MARCHF3: variants seen among roughly 807,000 people sequenced by gnomAD.
MARCHF3 encodes E3 ubiquitin-protein ligase MARCHF3.
Under a neutral mutation model 24.2 loss-of-function variants are expected in MARCHF3, and 13 were observed. The ratio of observed to expected loss-of-function variants is 0.54; its 90% CI spans 0.35 to 0.85. The LOEUF is 0.85. Ranked by LOEUF, MARCHF3 falls within the 40% of genes least tolerant of loss-of-function variation. The probability of loss-of-function intolerance (pLI) is 0.01; values close to 1 mark genes in which losing one functional copy is unlikely to be tolerated. For missense variants in MARCHF3, 276 were observed against 325.0 expected, an observed-to-expected ratio of 0.85 and a Z score of 1.16; for synonymous variants, 144 against 137.3, an observed-to-expected ratio of 1.05 and a Z score of -0.34.
intron 4 of MARCHF3, among the ~76,000 whole-genome samples, chr5:126,871,836 AG>A (rs1433983480): frequency 1.3e-5 from 2 of 152,124 alleles, no homozygotes; most frequent in South Asian, 2.1e-4. Context: ...CCTCCTGAGA[AG>A]CCGGGATTAC....
rs1421653283 is a variant in MARCHF3 at position 126,870,614 on chromosome 5, C to A, written c.*19G>T. ...AAACCCCAAACAATGAATCAAACAA[C>A]CAACCAACCATACAAACATCAAACA... On this transcript the variant is annotated 3_prime_UTR_variant, in exon 5 of 5. Coordinates refer to ENST00000308660, the MANE Select transcript of MARCHF3 (RefSeq NM_178450.5). 3.1e-6 allele frequency: 5 copies of A among 1,611,626 alleles called. No homozygotes were observed. In the Admixed American group the frequency reaches 6.7e-5, roughly 21 times the overall value.
At chr5:127,004,908 A>G (rs1158661492) in intron 1 of MARCHF3, among the ~76,000 whole-genome samples, 2 of 151,974 alleles carry the variant, frequency 1.3e-5, no homozygotes, top group East Asian at 3.9e-4. Flanking sequence ...TGTTTTTCCC[A>G]TGGAGTCCAG....
At chr5:126,909,792 G>A (rs1754453112) in intron 3 of MARCHF3, among the ~76,000 whole-genome samples, 1 of 152,158 alleles carries the variant, frequency 6.6e-6, no homozygotes, top group Non-Finnish European at 1.5e-5. Flanking sequence ...CACGCTGGGA[G>A]CTGTAGACCG....
intron 1 of MARCHF3, among the ~76,000 whole-genome samples, chr5:126,980,522 C>A (rs1010791411): frequency 1.3e-5 from 2 of 152,076 alleles, no homozygotes; most frequent in Non-Finnish European, 2.9e-5. Context: ...AGGTGCGCAC[C>A]ACCAGGCTCG....
At chr5:126,961,696 A>G (rs1750642979) in intron 1 of MARCHF3, among the ~76,000 whole-genome samples, 2 of 152,182 alleles carry the variant, frequency 1.3e-5, no homozygotes, top group Non-Finnish European at 2.9e-5. Flanking sequence ...CTCATCAAAC[A>G]TATGTAATTT....
intron 2 of MARCHF3, among the ~76,000 whole-genome samples, chr5:126,917,601 C>A (rs899648715): frequency 7.9e-5 from 12 of 152,164 alleles, no homozygotes; most frequent in African/African-American, 2.7e-4. Context: ...GCCCACAAAT[C>A]CAATCACTTT....
At chr5:127,007,868 G>A (rs567718107) in intron 1 of MARCHF3, among the ~76,000 whole-genome samples, 39 of 152,056 alleles carry the variant, frequency 2.6e-4, no homozygotes, top group African/African-American at 6.3e-4. Flanking sequence ...GCAAATCAAC[G>A]TTAATACATA....
intron 3 of MARCHF3, among the ~76,000 whole-genome samples, chr5:126,881,625 G>A (rs78057869): frequency 1.3e-5 from 2 of 152,080 alleles, no homozygotes; most frequent in East Asian, 1.9e-4. Flanking sequence ...ATGACATACT[G>A]CTGAGCAGAA....
intron 1 of MARCHF3, among the ~76,000 whole-genome samples, chr5:126,971,320 G>T (rs1219707438): frequency 6.6e-6 from 1 of 151,670 alleles, no homozygotes; most frequent in Non-Finnish European, 1.5e-5. Context: ...GTGGTGGTGG[G>T]CACCTGTGGT....
intron 1 of MARCHF3, among the ~76,000 whole-genome samples, chr5:126,941,454 GAA>G (rs11288501): frequency 0.024 from 3,538 of 148,486 alleles, 118 homozygotes; most frequent in African/African-American, 0.081. Context: ...GTGATAAATA[GAA>G]AAAAAAAAAA....
rs1752836265 is a variant in MARCHF3 at position 126,868,266 on chromosome 5, T to A, written c.*2367A>T. The A allele has an allele frequency of 6.6e-6, 1 of 152,162 alleles. No homozygotes were observed. The highest frequency in any genetic ancestry group is 2.4e-5 in the African/African-American group (1 of 41,420). The allele number at this position is 152,162 out of a possible 1,614,324, so 9.4% of individuals were successfully genotyped here. A position where few individuals can be genotyped will look rare whatever the true frequency, so the allele number is the denominator to read the frequency against. ...TATCCTCCAAGAGTTCAGAATCCCC[T>A]ATGGGCCCTGATGCTGATGGAGATC... On this transcript the variant is annotated 3_prime_UTR_variant, in exon 5 of 5. Coordinates refer to ENST00000308660, the MANE Select transcript of MARCHF3 (RefSeq NM_178450.5).
At chr5:126,969,127 T>C (rs149565009) in intron 1 of MARCHF3, among the ~76,000 whole-genome samples, 2 of 152,240 alleles carry the variant, frequency 1.3e-5, no homozygotes, top group Non-Finnish European at 2.9e-5. Context: ...ATTTTAGCTC[T>C]TACAATTAGT....
At chr5:126,984,822 C>G (rs1219059874) in intron 1 of MARCHF3, among the ~76,000 whole-genome samples, 1 of 152,160 alleles carries the variant, frequency 6.6e-6, no homozygotes, top group Non-Finnish European at 1.5e-5. Flanking sequence ...CTTTAAACCT[C>G]TGGAAAACTA....
chr5:126,999,596 C>G (rs1752059187), intron 1 of MARCHF3, among the ~76,000 whole-genome samples: 1 of 152,228 alleles, frequency 6.6e-6, no homozygotes, highest in South Asian at 2.1e-4. Context: ...TAATGTCTCT[C>G]AGCTGACTTG....
intron 1 of MARCHF3, among the ~76,000 whole-genome samples, chr5:126,942,190 C>A (rs1561438843): frequency 6.6e-6 from 1 of 152,146 alleles, no homozygotes; most frequent in Non-Finnish European, 1.5e-5. Flanking sequence ...ATAGCATTTA[C>A]TGATTAAATC....
chr5:126,893,068 T>A lies in MARCHF3; in HGVS notation c.394-14674A>T, dbSNP rs868079774. Among the ~76,000 whole-genome samples, 40 of 152,104 alleles carry A rather than the reference T, an allele frequency of 2.6e-4. No homozygotes were observed. In the Middle Eastern group the frequency reaches 0.01, roughly 39 times the overall value. ...TCCATTTCTTCTAGATTTTCTAGTTTATTTGCGTAGAGGTGTTTGTAGTAT... is the reference window on the plus strand; with the variant it reads ...TCCATTTCTTCTAGATTTTCTAGTTAATTTGCGTAGAGGTGTTTGTAGTAT... On this transcript the variant is annotated intron_variant, in intron 3 of 4. Coordinates refer to ENST00000308660, the MANE Select transcript of MARCHF3 (RefSeq NM_178450.5).
intron 1 of MARCHF3, among the ~76,000 whole-genome samples, chr5:126,978,691 G>C (rs765125420): frequency 6.6e-6 from 1 of 152,138 alleles, no homozygotes; most frequent in African/African-American, 2.4e-5. Flanking sequence ...TATGCAACTC[G>C]GCTTTTTGCT....
intron 1 of MARCHF3, among the ~76,000 whole-genome samples, chr5:126,940,969 G>A (rs1749808061): frequency 6.6e-6 from 1 of 152,104 alleles, no homozygotes; most frequent in South Asian, 2.1e-4. Context: ...TTTTGCAACT[G>A]TATATTATTT....
rs968527880 is a variant in MARCHF3 at position 126,934,788 on chromosome 5, A to G, written c.-56-16561T>C. 2.0e-5 allele frequency among the ~76,000 whole-genome samples: 3 copies of G among 152,340 alleles called. No individual in the cohort carries two copies. The East Asian group carries it at 5.8e-4, about 29-fold the overall frequency. On this transcript the variant is annotated intron_variant, in intron 1 of 4. Transcript: ENST00000308660. ...AGAGCCAAAATAGTCCCATTTTTCT[A>G]TCAATTCAGGACATGTTGAAAGTGT...
Sources: gnomAD v4.1 joint callset for allele counts (sites outside exome capture counted in the v4.1 genomes callset) on GRCh38, gnomAD v4.1.1 for gene constraint, MANE v1.5 for transcripts, NCBI Gene and HGNC (gene_info 2026-07-23, HGNC 2026-07-21) for gene names.